Variants in SNX29 observed in about 807,000 individuals in gnomAD.
The protein encoded by SNX29 is sorting nexin-29.
Under a neutral mutation model 102.1 loss-of-function variants are expected in SNX29, and 78 were observed. The ratio of observed to expected loss-of-function variants is 0.76; its 90% confidence interval spans 0.64 to 0.92. The LOEUF (loss-of-function observed/expected upper bound fraction) is 0.92. Ranked by LOEUF, SNX29 falls within the 40% of genes least tolerant of loss-of-function variation. The pLI is 0.00. For missense variants in SNX29, 1,280 were observed against 1,061.7 expected, an observed-to-expected ratio of 1.21 and a Z score of -2.86; for synonymous variants, 580 against 414.5, an observed-to-expected ratio of 1.40 and a Z score of -4.85.
At chr16:12,144,826 A>G (rs2054997353) in intron 13 of SNX29, among the ~76,000 whole-genome samples, 1 of 152,092 alleles carries the variant, frequency 6.6e-6, no homozygotes, top group African/African-American at 2.4e-5. Context: ...GATTCACACC[A>G]TTCTCCTGCC....
chr16:12,436,473 A>C (rs576909210), intron 18 of SNX29, among the ~76,000 whole-genome samples: 1 of 152,218 alleles, frequency 6.6e-6, no homozygotes, highest in Non-Finnish European at 1.5e-5. Context: ...TCCCTGCCAG[A>C]TGCCATTTCA....
chr16:12,238,609 C>G (rs1163578772), intron 14 of SNX29, among the ~76,000 whole-genome samples: 2 of 152,236 alleles, frequency 1.3e-5, no homozygotes, highest in Non-Finnish European at 2.9e-5. Context: ...CAGGCTTGAG[C>G]CACCGCGTCC....
chr16:12,292,230 C>T (rs542354951), intron 15 of SNX29, among the ~76,000 whole-genome samples: 3 of 152,298 alleles, frequency 2.0e-5, no homozygotes, highest in African/African-American at 7.2e-5. Flanking sequence ...CAGGTGGCAA[C>T]TGACTGATAG....
At chr16:12,418,458 T>C (rs1205310860) in intron 18 of SNX29, among the ~76,000 whole-genome samples, 1 of 152,042 alleles carries the variant, frequency 6.6e-6, no homozygotes, top group Non-Finnish European at 1.5e-5. Context: ...GGTCTTAGGG[T>C]TTCTGGGCAT....
intron 14 of SNX29, among the ~76,000 whole-genome samples, chr16:12,212,228 C>T (rs577920055): frequency 7.9e-5 from 12 of 152,264 alleles, no homozygotes; most frequent in South Asian, 4.2e-4. Context: ...CCTTTCCCCC[C>T]GGAGACTGAA....
At chr16:12,263,246 C>G (rs962992382) in intron 14 of SNX29, among the ~76,000 whole-genome samples, 1 of 151,956 alleles carries the variant, frequency 6.6e-6, no homozygotes, top group East Asian at 1.9e-4. Flanking sequence ...ATTCTTCTGC[C>G]TCAGCCTCCT....
chr16:12,105,942 C>T (rs1200640912), intron 11 of SNX29, among the ~76,000 whole-genome samples: 1 of 152,088 alleles, frequency 6.6e-6, no homozygotes, highest in Non-Finnish European at 1.5e-5. Flanking sequence ...GCTGGCCCAG[C>T]ATGAGAGGAG....
chr16:12,164,666 G>A (rs2055933387), intron 13 of SNX29, among the ~76,000 whole-genome samples: 1 of 141,284 alleles, frequency 7.1e-6, no homozygotes, highest in South Asian at 2.2e-4. Flanking sequence ...TCATATAAGT[G>A]TGTTTATTCA....
intron 11 of SNX29, chr16:12,087,995 A>G (rs1485984270): frequency 4.4e-6 from 2 of 456,598 alleles, no homozygotes; most frequent in South Asian, 1.5e-5. Context: ...GCAGGGGGCC[A>G]TGGTCCTTTG....
intron 11 of SNX29, among the ~76,000 whole-genome samples, chr16:12,080,342 C>T (rs1201118897): frequency 3.3e-5 from 5 of 152,188 alleles, no homozygotes; most frequent in Non-Finnish European, 4.4e-5. Flanking sequence ...GTGGGAACGG[C>T]TGGCCGCACT....
At chr16:12,447,900 A>G (rs949766281) in intron 18 of SNX29, among the ~76,000 whole-genome samples, 1 of 152,158 alleles carries the variant, frequency 6.6e-6, no homozygotes, top group African/African-American at 2.4e-5. Flanking sequence ...TCAGGAAGAC[A>G]CTAGGGAAGG....
chr16:12,125,208 G>C (rs967082630), intron 11 of SNX29, among the ~76,000 whole-genome samples: 1 of 152,186 alleles, frequency 6.6e-6, no homozygotes, highest in East Asian at 1.9e-4. Flanking sequence ...TGTGTGTTCA[G>C]GTTCAAGCCC....
At chr16:12,158,514 C>T (rs937965) in intron 13 of SNX29, among the ~76,000 whole-genome samples, 59,117 of 152,172 alleles carry the variant, frequency 0.39, 14,238 homozygotes, top group African/African-American at 0.68. Flanking sequence ...TTAATTGTCA[C>T]AGATGTGGGC....
chr16:12,171,152 G>C (rs1477618070), intron 13 of SNX29, among the ~76,000 whole-genome samples: 1 of 151,982 alleles, frequency 6.6e-6, no homozygotes, highest in Non-Finnish European at 1.5e-5. Context: ...TGGTTGACAC[G>C]GGCTCTTTGA....
At chr16:12,257,363 A>C (rs1486659263) in intron 14 of SNX29, among the ~76,000 whole-genome samples, 1 of 152,178 alleles carries the variant, frequency 6.6e-6, no homozygotes, top group Non-Finnish European at 1.5e-5. Context: ...GGGCTCACAC[A>C]GGTAATCCAG....
chr16:12,303,301 A>G (rs1036577269), intron 15 of SNX29, among the ~76,000 whole-genome samples: 1 of 152,246 alleles, frequency 6.6e-6, no homozygotes, highest in Non-Finnish European at 1.5e-5. Context: ...AGCCATGTTC[A>G]CAGCATCGCT....
chr16:12,540,827 A>G (rs949330741), intron 20 of SNX29, among the ~76,000 whole-genome samples: 2 of 152,198 alleles, frequency 1.3e-5, no homozygotes, highest in African/African-American at 2.4e-5. Flanking sequence ...AGGGGCAAAA[A>G]GAAACAAGAT....
chr16:12,107,338 G>GTT (rs34594204), intron 11 of SNX29, among the ~76,000 whole-genome samples: 23,281 of 137,104 alleles, frequency 0.17, 1,953 homozygotes, highest in Admixed American at 0.23. Context: ...AGCACTGTGG[G>GTT]TTTTTTTTTT....
At chr16:12,510,976 C>G (rs2089592630) in intron 19 of SNX29, among the ~76,000 whole-genome samples, 1 of 151,942 alleles carries the variant, frequency 6.6e-6, no homozygotes, top group East Asian at 2.0e-4. Context: ...AAGCACTCCC[C>G]CACAGAGTCT....
Sources: allele counts gnomAD v4.1 joint callset (sites outside exome capture counted in the v4.1 genomes callset), GRCh38; gene constraint gnomAD v4.1.1; transcripts MANE v1.5; gene names NCBI Gene and HGNC (gene_info 2026-07-23, HGNC 2026-07-21).